The following FBLN5 variants were observed in gnomAD, a reference collection of about 807,000 sequenced individuals.
FBLN5 encodes the protein fibulin 5.
FBLN5 carries 24 observed loss-of-function variants against 61.6 expected under a neutral mutation model. That is an observed-to-expected ratio of 0.39 (90% confidence interval 0.28 to 0.55). The LOEUF is 0.55. Ranked by LOEUF, FBLN5 falls within the 20% of genes least tolerant of loss-of-function variation. The pLI, the probability that FBLN5 is intolerant of heterozygous loss-of-function variation, is 0.65. For synonymous variants in FBLN5, 213 were observed against 219.8 expected, an observed-to-expected ratio of 0.97 and a Z score of 0.27; for missense variants, 470 against 594.1, an observed-to-expected ratio of 0.79 and a Z score of 2.17.
At chr14:91,941,451 T>C (rs17127764) in intron 2 of FBLN5, among the ~76,000 whole-genome samples, 1 of 152,124 alleles carries the variant, frequency 6.6e-6, no homozygotes, top group Non-Finnish European at 1.5e-5. Flanking sequence ...GGCCTGACAT[T>C]TTCTAGGAGC....
Position 91,937,104 on chromosome 14 carries a change from A to G in FBLN5, c.222T>C (p.Pro74=), listed in dbSNP as rs1422448176. 1 of 1,614,014 alleles carries G rather than the reference A, an allele frequency of 6.2e-7. No homozygotes were observed. The highest frequency in any genetic ancestry group is 2.2e-5 in the East Asian group (1 of 44,862). Residue 74 remains proline, a synonymous_variant, in exon 4 of 11, where the codon CCT becomes CCC. Transcript: ENST00000342058. ...GGTTCGAGTAGGGCCCTCGATACAC[A>G]GGGTTTGTCCGGGGAATGCATAAAT... ...GGYLCIPRTN[P]VYRGPYSNPY... is the part of the protein sequence containing the mutation.
At position 91,869,896 on chromosome 14, in the gene FBLN5, C is replaced by A; in HGVS notation, c.*328G>T. 1 of 365,396 alleles carries A rather than the reference C, an allele frequency of 2.7e-6. No homozygotes were observed. The highest frequency in any genetic ancestry group is 5.3e-6 in the Non-Finnish European group (1 of 187,468). 22.6% of individuals were successfully genotyped at this position (365,396 alleles called of 1,614,324 possible). A position where few individuals can be genotyped will look rare whatever the true frequency, so the allele number is the denominator to read the frequency against. On this transcript the variant is annotated 3_prime_UTR_variant, in exon 11 of 11. Coordinates refer to ENST00000342058, the MANE Select transcript of FBLN5 (RefSeq NM_006329.4). ...GCTGTTCACAGTCTTTGAACATAGA[C>A]TCAGACCCCCGCAAACCTAATCTAT...
In FBLN5 at chr14:91,881,124, CA is replaced by C. The variant is rs768871059; in HGVS notation, c.989+167del. ...CTATTCTACTCTGTTCTATTCTACA[CA>C]CACACACACACACACACACACACAC... On this transcript the variant is annotated intron_variant, in intron 9 of 10. Transcript: ENST00000342058. Among the ~76,000 whole-genome samples the C allele has an allele frequency of 0.29, 31,619 of 107,784 alleles. 3,484 individuals carry two copies. Among genetic ancestry groups the C allele is most frequent in the Middle Eastern group, 0.37 (67 of 180 alleles). 70.7% of individuals were successfully genotyped at this position (107,784 alleles called of 152,430 possible).
At chr14:91,905,451 G>A (rs148262236) in intron 4 of FBLN5, among the ~76,000 whole-genome samples, 1,804 of 152,256 alleles carry the variant, frequency 0.012, 38 homozygotes, top group African/African-American at 0.041. Flanking sequence ...ATGACCTAGG[G>A]GAAGGGGCCC....
intron 6 of FBLN5, among the ~76,000 whole-genome samples, chr14:91,890,737 G>A (rs978316744): frequency 4.6e-5 from 7 of 152,198 alleles, no homozygotes; most frequent in African/African-American, 1.7e-4. Flanking sequence ...GGCCATCCTG[G>A]CACAGGTTGG....
chr14:91,907,691 G>A (rs572781100), intron 4 of FBLN5, among the ~76,000 whole-genome samples: 6 of 151,940 alleles, frequency 3.9e-5, no homozygotes, highest in Middle Eastern at 3.4e-3. Flanking sequence ...TAATGGAGGC[G>A]GAATGGATCG....
intron 10 of FBLN5, among the ~76,000 whole-genome samples, chr14:91,872,074 T>TG (rs1214081173): frequency 2.0e-5 from 3 of 151,984 alleles, no homozygotes; most frequent in African/African-American, 2.4e-5. Flanking sequence ...AGGACCCAGG[T>TG]GGGGGGGCCC....
chr14:91,884,733 T>C (rs888412671), intron 7 of FBLN5, among the ~76,000 whole-genome samples: 1 of 152,084 alleles, frequency 6.6e-6, no homozygotes, highest in African/African-American at 2.4e-5. Context: ...AGCCCTGAGG[T>C]TGGGGCAAGC....
intron 4 of FBLN5, among the ~76,000 whole-genome samples, chr14:91,902,073 C>G (rs1049064475): frequency 6.6e-6 from 1 of 152,186 alleles, no homozygotes; most frequent in Non-Finnish European, 1.5e-5. Flanking sequence ...CCCCAGAGCA[C>G]TTGGTAAACA....
intron 2 of FBLN5, among the ~76,000 whole-genome samples, chr14:91,941,825 T>C (rs2056110096): frequency 6.6e-6 from 1 of 152,154 alleles, no homozygotes; most frequent in Non-Finnish European, 1.5e-5. Context: ...GGACGATGTA[T>C]GTTAATCTAT....
intron 4 of FBLN5, among the ~76,000 whole-genome samples, chr14:91,902,658 C>A (rs1890508555): frequency 6.6e-6 from 1 of 152,212 alleles, no homozygotes; most frequent in Non-Finnish European, 1.5e-5. Flanking sequence ...TTGGGTTCTA[C>A]AATCCTAACT....
At position 91,870,132 on chromosome 14, in the gene FBLN5, G is replaced by A. The variant is rs1315789940; in HGVS notation, c.*92C>T. ...AAACGTTCAGCAGGAAATGCCTAAC[G>A]TCTGTGTCGCTCTCATTCTCTCTGT... On this transcript the variant is annotated 3_prime_UTR_variant, in exon 11 of 11. Coordinates refer to ENST00000342058, the MANE Select transcript of FBLN5 (RefSeq NM_006329.4). 20 of 1,321,378 alleles carry A rather than the reference G, an allele frequency of 1.5e-5. No homozygotes were observed. The highest frequency in any genetic ancestry group is 2.1e-5 in the Non-Finnish European group (19 of 919,766). The allele number at this position is 1,321,378 out of a possible 1,614,324, so 81.9% of individuals were successfully genotyped here.
chr14:91,876,661 G>C (rs1167907666), intron 10 of FBLN5, among the ~76,000 whole-genome samples: 2 of 152,158 alleles, frequency 1.3e-5, no homozygotes, highest in African/African-American at 2.4e-5. Context: ...GTCAAGAAGT[G>C]CTGGCGGCCC....
intron 4 of FBLN5, among the ~76,000 whole-genome samples, chr14:91,915,468 G>T (rs562521547): frequency 6.6e-6 from 1 of 151,762 alleles, no homozygotes; most frequent in African/African-American, 2.4e-5. Flanking sequence ...GGTGGATCAC[G>T]AGGTCAGGAG....
chr14:91,925,571 G>A (rs2055813981), intron 4 of FBLN5, among the ~76,000 whole-genome samples: 1 of 152,194 alleles, frequency 6.6e-6, no homozygotes, highest in African/African-American at 2.4e-5. Context: ...GCTGGCGCTG[G>A]CTGGTGGTGA....
At chr14:91,932,872 A>T (rs952024112) in intron 4 of FBLN5, among the ~76,000 whole-genome samples, 2 of 152,254 alleles carry the variant, frequency 1.3e-5, no homozygotes, top group African/African-American at 4.8e-5. Flanking sequence ...CAACCAATGC[A>T]ATTTGCAGAA....
At chr14:91,941,510 C>T (rs1469103656) in intron 2 of FBLN5, among the ~76,000 whole-genome samples, 3 of 152,098 alleles carry the variant, frequency 2.0e-5, no homozygotes, top group Non-Finnish European at 4.4e-5. Context: ...CTTCGCTGAG[C>T]TGTTGGTTGA....
intron 4 of FBLN5, among the ~76,000 whole-genome samples, chr14:91,906,870 G>A (rs1460375702): frequency 2.0e-5 from 3 of 152,200 alleles, no homozygotes; most frequent in Admixed American, 1.3e-4. Flanking sequence ...CACTGGTATC[G>A]GTACTAGGGA....
rs149904034 is a variant in FBLN5, at chr14:91,943,042, G to A, written c.18-81C>T. 7.8e-4 allele frequency: 710 copies of A among 905,018 alleles called. 2 individuals carry two copies. Among genetic ancestry groups the A allele is most frequent in the Non-Finnish European group, 1.1e-3 (624 of 556,980 alleles). 56.1% of individuals were successfully genotyped at this position (905,018 alleles called of 1,614,324 possible). ...GTGTGGGTCGCATGCGGCCCGTGAC[G>A]TGTAACGGTGATATCACCTTGGGCT... On this transcript the variant is annotated intron_variant, in intron 1 of 10. Transcript: ENST00000342058. This position sits in a 1 kb window ranked among gnomAD's most constrained non-coding sequence, Gnocchi z 4.0.
Sources: allele counts gnomAD v4.1 joint callset (sites outside exome capture counted in the v4.1 genomes callset), GRCh38; gene constraint gnomAD v4.1.1; non-coding constraint Gnocchi (gnomAD v3.1); transcripts MANE v1.5; gene names NCBI Gene and HGNC (gene_info 2026-07-23, HGNC 2026-07-21).